The following RPRD2 variants were observed in gnomAD, a reference collection of about 807,000 sequenced individuals.
RPRD2 encodes regulation of nuclear pre-mRNA domain-containing protein 2.
Under a neutral mutation model 104.4 loss-of-function variants are expected in RPRD2, and 12 were observed. The ratio of observed to expected loss-of-function variants is 0.11; its 90% CI spans 0.07 to 0.19. The LOEUF is 0.19. Ranked by LOEUF, RPRD2 falls within the 10% of genes least tolerant of loss-of-function variation. RPRD2 has a pLI of 1.00. For synonymous variants in RPRD2, 714 were observed against 684.9 expected (o/e 1.04, Z -0.66); for missense variants, 1,543 against 1,790.1 (o/e 0.86, Z 2.49).
intron 1 of RPRD2, among the ~76,000 whole-genome samples, chr1:150,401,865 G>C (rs1193928874): frequency 6.6e-6 from 1 of 151,694 alleles, no homozygotes; most frequent in Non-Finnish European, 1.5e-5. Flanking sequence ...GGAAGGTCTT[G>C]ATCTCCTGAC....
chr1:150,460,426 CAG>C lies in RPRD2; in HGVS notation c.1411+112_1411+113del, dbSNP rs1667852146. The C allele has an allele frequency of 3.6e-6, 4 of 1,100,990 alleles. No homozygotes were observed. The African/African-American group carries it at 6.2e-5, about 17-fold the overall frequency. 68.2% of individuals were successfully genotyped at this position (1,100,990 alleles called of 1,614,324 possible). A position where few individuals can be genotyped will look rare whatever the true frequency, so the allele number is the denominator to read the frequency against. The stretch of plus-strand genomic sequence containing the variant: ...GTTGTTGTTGTTGTTGTTGTTTAGA[CAG>C]AGTTTCGCTCTGTCTCCCAGGCAGG... On this transcript the variant is annotated intron_variant, in intron 9 of 10. Transcript: ENST00000369068.
At chr1:150,411,932 C>A (rs1250863693) in intron 1 of RPRD2, among the ~76,000 whole-genome samples, 1 of 151,658 alleles carries the variant, frequency 6.6e-6, no homozygotes, top group African/African-American at 2.4e-5. Context: ...TCGAGACCAG[C>A]GTGGCCAACG....
chr1:150,456,648 A>G (rs1206923610), intron 7 of RPRD2, among the ~76,000 whole-genome samples: 2 of 151,032 alleles, frequency 1.3e-5, no homozygotes, highest in Non-Finnish European at 2.9e-5. Flanking sequence ...AAAGCAGCCG[A>G]GCACGGTGAC....
chr1:150,379,463 C>T (rs1353012339), intron 1 of RPRD2, among the ~76,000 whole-genome samples: 5 of 151,624 alleles, frequency 3.3e-5, no homozygotes, highest in Non-Finnish European at 5.9e-5. Context: ...AGTGCAATGG[C>T]GCCATCTCGG....
At chr1:150,424,972 A>T (rs1453750512) in intron 2 of RPRD2, among the ~76,000 whole-genome samples, 1 of 152,022 alleles carries the variant, frequency 6.6e-6, no homozygotes, top group Admixed American at 6.6e-5. Context: ...TTTTTCATTC[A>T]CTTCAGACTA....
chr1:150,454,843 G>C (rs1355783689), intron 7 of RPRD2, among the ~76,000 whole-genome samples: 1 of 152,014 alleles, frequency 6.6e-6, no homozygotes. Context: ...ACGAGACCCT[G>C]TCTGAAATAA....
chr1:150,453,262 A>C (rs1305089107), intron 7 of RPRD2, among the ~76,000 whole-genome samples: 1 of 150,768 alleles, frequency 6.6e-6, no homozygotes, highest in Non-Finnish European at 1.5e-5. Flanking sequence ...TGAACTCCTG[A>C]CCTCATGATC....
chr1:150,386,762 T>A lies in RPRD2; in HGVS notation c.205+21843T>A, dbSNP rs587630030. ...TTTCTGGAGAGATGAACTGCTTACA[T>A]AGAGATAATTAGCATCACAGGGTGT... On this transcript the variant is annotated intron_variant, in intron 1 of 10. Transcript: ENST00000369068. Among the ~76,000 whole-genome samples, 3 of 152,294 alleles carry A rather than the reference T, an allele frequency of 2.0e-5. No individual in the cohort carries two copies. The South Asian group carries it at 6.2e-4, about 32-fold the overall frequency.
chr1:150,373,533 CTTT>C (rs56743462), intron 1 of RPRD2, among the ~76,000 whole-genome samples: 13 of 97,416 alleles, frequency 1.3e-4, no homozygotes, highest in Admixed American at 4.5e-4. Context: ...TCAAGAATGA[CTTT>C]TTTTTTTTTT....
chr1:150,463,716 C>T (rs781949103), intron 9 of RPRD2, among the ~76,000 whole-genome samples: 5 of 152,136 alleles, frequency 3.3e-5, no homozygotes, highest in Non-Finnish European at 5.9e-5. Flanking sequence ...ATTTCAAAAG[C>T]ATATAACTTA....
chr1:150,461,468 A>G (rs1249461537), intron 9 of RPRD2, among the ~76,000 whole-genome samples: 1 of 152,236 alleles, frequency 6.6e-6, no homozygotes, highest in African/African-American at 2.4e-5. Context: ...ATTTCTCTAC[A>G]TCATTTTTAA....
At chr1:150,421,337 A>T (rs1553889584) in intron 2 of RPRD2, among the ~76,000 whole-genome samples, 1 of 152,240 alleles carries the variant, frequency 6.6e-6, no homozygotes, top group Non-Finnish European at 1.5e-5. Context: ...CTTTTATAAA[A>T]TTTCAAAAAT....
chr1:150,470,935 T>A lies in RPRD2; in HGVS notation c.1987T>A (p.Ser663Thr), dbSNP rs1668547483. 2.5e-6 allele frequency: 4 copies of A among 1,613,824 alleles called. No homozygotes were observed. The African/African-American group carries it at 4.0e-5, about 16-fold the overall frequency. Residue 663 changes from serine to threonine, a missense_variant, in exon 11 of 11, where the codon TCC (serine) becomes ACC (threonine). By Grantham distance (58) the Ser-to-Thr change is moderately conservative (BLOSUM62 1). Transcript: ENST00000369068. Reference protein sequence around the residue: ...EVSKPKLESESTSPSLEMKIH... With the variant: ...EVSKPKLESETTSPSLEMKIH... ...CTCCAAGCCAAAGCTGGAGTCAGAGTCCACCTCCCCAAGCCTGGAAATGAA... is the reference window on the plus strand; with the variant it reads ...CTCCAAGCCAAAGCTGGAGTCAGAGACCACCTCCCCAAGCCTGGAAATGAA...
intron 10 of RPRD2, among the ~76,000 whole-genome samples, chr1:150,466,377 CAAAAAAAAA>C (rs34200262): frequency 8.6e-5 from 9 of 105,020 alleles, no homozygotes; most frequent in African/African-American, 3.4e-4. Flanking sequence ...GACTCTGTCT[CAAAAAAAAA>C]AAAAAAAAAA....
At chr1:150,424,259 G>T (rs2102298082) in intron 2 of RPRD2, among the ~76,000 whole-genome samples, 1 of 152,102 alleles carries the variant, frequency 6.6e-6, no homozygotes, top group East Asian at 1.9e-4. Context: ...TAACTTTGCA[G>T]ATAAGCAGAT....
At chr1:150,449,167 C>G (rs1222261863) in intron 7 of RPRD2, among the ~76,000 whole-genome samples, 2 of 152,134 alleles carry the variant, frequency 1.3e-5, no homozygotes, top group African/African-American at 4.8e-5. Flanking sequence ...CTCCCCCTGC[C>G]CAACCCCGAA....
rs587746395 is a variant in RPRD2 at position 150,401,107 on chromosome 1, G to T, written c.206-16489G>T. ...AGGAGAATGGTGTGAACCCGGGAAG[G>T]TGGAGCTTGCAGTGAGCCGAGATCA... On this transcript the variant is annotated intron_variant, in intron 1 of 10. Transcript: ENST00000369068. Among the ~76,000 whole-genome samples the T allele has an allele frequency of 7.9e-5, 12 of 152,216 alleles. No homozygotes were observed. In the South Asian group the frequency reaches 1.9e-3, roughly 24 times the overall value.
chr1:150,473,386 G>A lies in RPRD2; in HGVS notation c.*52G>A. On this transcript the variant is annotated 3_prime_UTR_variant, in exon 11 of 11. Coordinates refer to ENST00000369068, the MANE Select transcript of RPRD2 (RefSeq NM_015203.5). Reference sequence around the variant, plus strand: ...ACAGTCTAGAGAACATTGGAAGTAGGAGTTTGGTTTATTGTTGTTGTTTTT... The same window carrying A: ...ACAGTCTAGAGAACATTGGAAGTAGAAGTTTGGTTTATTGTTGTTGTTTTT... 3 of 1,487,260 alleles carry A rather than the reference G, an allele frequency of 2.0e-6. No individual in the cohort carries two copies. The highest frequency in any genetic ancestry group is 2.3e-5 in the East Asian group (1 of 43,452). The allele number at this position is 1,487,260 out of a possible 1,614,324, so 92.1% of individuals were successfully genotyped here. A position where few individuals can be genotyped will look rare whatever the true frequency, so the allele number is the denominator to read the frequency against.
At chr1:150,466,011 C>CAAAAAAAAAAAAAAAAAAAA (rs71578500) in intron 10 of RPRD2, among the ~76,000 whole-genome samples, 1 of 69,260 alleles carries the variant, frequency 1.4e-5, no homozygotes, top group Non-Finnish European at 2.9e-5. Context: ...AGACTCAGTC[C>CAAAAAAAAAAAAAAAAAAAA]AAAAAAAAAA....
Sources: allele counts gnomAD v4.1 joint callset (sites outside exome capture counted in the v4.1 genomes callset), GRCh38; gene constraint gnomAD v4.1.1; transcripts MANE v1.5; gene names NCBI Gene and HGNC (gene_info 2026-07-23, HGNC 2026-07-21).